The following SRRM4 variants were observed in gnomAD, a reference collection of about 807,000 sequenced individuals.
The protein encoded by SRRM4 is serine/arginine repetitive matrix 4.
SRRM4 carries 33 observed loss-of-function variants against 68.9 expected under a neutral mutation model. The ratio of observed to expected loss-of-function variants is 0.48; its 90% CI spans 0.36 to 0.64. SRRM4 has a LOEUF of 0.64. Ranked by LOEUF, SRRM4 falls within the 30% of genes least tolerant of loss-of-function variation. The pLI, the probability that SRRM4 is intolerant of heterozygous loss-of-function variation, is 0.00. For missense variants in SRRM4, 817 were observed against 827.1 expected, an observed-to-expected ratio of 0.99 and a Z score of 0.15; for synonymous variants, 318 against 318.8, an observed-to-expected ratio of 1.00 and a Z score of 0.03.
intron 4 of SRRM4, 150 bp from the exon 5 acceptor site, chr12:119,120,100 C>T (rs1954209527): frequency 1.0e-5 from 6 of 574,426 alleles, no homozygotes; most frequent in Admixed American, 9.1e-5. Context: ...TACGTTTTCC[C>T]CTCCCTCCCT....
chr12:119,059,095 G>A (rs1466951884), intron 1 of SRRM4, among the ~76,000 whole-genome samples: 1 of 152,170 alleles, frequency 6.6e-6, no homozygotes, highest in East Asian at 1.9e-4. Context: ...GCAATTCAGG[G>A]CCTCCGGAGC....
chr12:119,094,753 G>C (rs77531719), intron 1 of SRRM4, among the ~76,000 whole-genome samples: 32,186 of 152,226 alleles, frequency 0.21, 4,112 homozygotes, highest in South Asian at 0.28. Context: ...CTCTCTATCA[G>C]AGAACTTCTT....
In SRRM4 at chr12:119,093,370, C is replaced by T. The variant is rs374691137; in HGVS notation, c.132-8866C>T. 2.0e-3 allele frequency among the ~76,000 whole-genome samples: 312 copies of T among 152,284 alleles called. 2 individuals are homozygous for T. Among genetic ancestry groups the T allele is most frequent in the African/African-American group, 7.3e-3 (303 of 41,556 alleles). On this transcript the variant is annotated intron_variant, in intron 1 of 12. Coordinates refer to ENST00000267260, the MANE Select transcript of SRRM4 (RefSeq NM_194286.4). ...CCTCTTGGGAGCAGTTTACACTCTC[C>T]TAGATCTTGTACCAAGGATCCTCCT...
At chr12:119,071,741 T>C (rs1189045875) in intron 1 of SRRM4, among the ~76,000 whole-genome samples, 1 of 152,210 alleles carries the variant, frequency 6.6e-6, no homozygotes, top group African/African-American at 2.4e-5. Flanking sequence ...TGGCTTCTTT[T>C]GCACAGCATG....
rs1220899032 is a variant in SRRM4 at position 119,160,685 on chromosome 12, A to T, written c.*3887A>T. On this transcript the variant is annotated 3_prime_UTR_variant, in exon 13 of 13. Transcript: ENST00000267260. ...AGTTCGACCTCTGTTAAGTGGAGGG[A>T]TTTGTGAGATAAAAATTCAAAATGT... 1 of 152,176 alleles carries T rather than the reference A, an allele frequency of 6.6e-6. No individual in the cohort carries two copies. The highest frequency in any genetic ancestry group is 1.9e-4 in the East Asian group (1 of 5,192). 9.4% of individuals were successfully genotyped at this position (152,176 alleles called of 1,614,324 possible). A position where few individuals can be genotyped will look rare whatever the true frequency, so the allele number is the denominator to read the frequency against.
chr12:119,102,719 T>C (rs1309246463), intron 2 of SRRM4, among the ~76,000 whole-genome samples: 2 of 152,198 alleles, frequency 1.3e-5, no homozygotes, highest in African/African-American at 4.8e-5. Flanking sequence ...CTACCTTAAA[T>C]GATAGCGTTC....
At chr12:119,102,180 C>A in intron 1 of SRRM4, 56 bp from the exon 2 acceptor site, 1 of 1,490,392 alleles carries the variant, frequency 6.7e-7, no homozygotes, top group South Asian at 1.3e-5. Flanking sequence ...ATTTAATGAA[C>A]ATTAAGTGTC....
intron 3 of SRRM4, among the ~76,000 whole-genome samples, chr12:119,116,034 C>T (rs1666282328): frequency 6.6e-6 from 1 of 151,678 alleles, no homozygotes; most frequent in Admixed American, 6.6e-5. Flanking sequence ...GACTCCCCTC[C>T]AGCCAGAACC....
chr12:119,074,672 T>A (rs544433779), intron 1 of SRRM4, among the ~76,000 whole-genome samples: 2 of 152,196 alleles, frequency 1.3e-5, no homozygotes, highest in Non-Finnish European at 2.9e-5. Context: ...GATTCTGTTT[T>A]GTTAATCTGA....
At chr12:119,107,151 G>A in intron 2 of SRRM4, among the ~76,000 whole-genome samples, 1 of 152,192 alleles carries the variant, frequency 6.6e-6, no homozygotes, top group Non-Finnish European at 1.5e-5. Flanking sequence ...TGCATCCCAG[G>A]GATGAAGCCA....
chr12:119,002,303 G>A (rs79565831), intron 1 of SRRM4, among the ~76,000 whole-genome samples: 3,125 of 152,088 alleles, frequency 0.021, 123 homozygotes, highest in African/African-American at 0.071. Context: ...TCCCTTGCAA[G>A]CTGGTATCCC....
At chr12:118,996,168 T>A (rs75543912) in intron 1 of SRRM4, among the ~76,000 whole-genome samples, 4,781 of 152,272 alleles carry the variant, frequency 0.031, 279 homozygotes, top group African/African-American at 0.11. Flanking sequence ...CAAATTATTT[T>A]TTTCAAGACC....
Position 119,020,209 on chromosome 12 carries a change from C to T in SRRM4, c.131+38196C>T, listed in dbSNP as rs540397136. 4.5e-4 allele frequency among the ~76,000 whole-genome samples: 69 copies of T among 152,180 alleles called. 2 individuals carry two copies. The South Asian group carries it at 0.014, about 31-fold the overall frequency. On this transcript the variant is annotated intron_variant, in intron 1 of 12. Coordinates refer to ENST00000267260, the MANE Select transcript of SRRM4 (RefSeq NM_194286.4). ...CCCCTCTCTGACTTAGTTCACATCC[C>T]CTTTATCATACTGATGGGACCCTGA...
intron 1 of SRRM4, among the ~76,000 whole-genome samples, chr12:119,075,474 T>A (rs1245313313): frequency 2.1e-5 from 2 of 95,160 alleles, no homozygotes; most frequent in African/African-American, 7.1e-5. Flanking sequence ...ATGATGATGG[T>A]GCTGATGGTG....
chr12:119,022,095 G>A (rs973952051), intron 1 of SRRM4, among the ~76,000 whole-genome samples: 1 of 151,982 alleles, frequency 6.6e-6, no homozygotes, highest in African/African-American at 2.4e-5. Flanking sequence ...TAGGTGATGG[G>A]TTGATAGGTG....
chr12:119,087,708 G>T (rs540354918), intron 1 of SRRM4, among the ~76,000 whole-genome samples: 20 of 152,286 alleles, frequency 1.3e-4, no homozygotes, highest in Middle Eastern at 6.8e-3. Context: ...ATAGCAGTCA[G>T]CATGGGGGAT....
At chr12:119,010,836 T>C (rs1476693813) in intron 1 of SRRM4, among the ~76,000 whole-genome samples, 1 of 152,172 alleles carries the variant, frequency 6.6e-6, no homozygotes, top group African/African-American at 2.4e-5. Context: ...AATTATGGAA[T>C]ACAATACAAC....
intron 1 of SRRM4, among the ~76,000 whole-genome samples, chr12:119,036,442 T>C (rs1953627881): frequency 6.6e-6 from 1 of 152,198 alleles, no homozygotes; most frequent in South Asian, 2.1e-4. Flanking sequence ...CCACACTCAC[T>C]CTGACAACCC....
chr12:119,044,049 A>G (rs554333614), intron 1 of SRRM4, among the ~76,000 whole-genome samples: 1 of 151,360 alleles, frequency 6.6e-6, no homozygotes, highest in East Asian at 1.9e-4. Context: ...TATTTTTTAG[A>G]AGCGATGGGG....
Sources: allele counts gnomAD v4.1 joint callset (sites outside exome capture counted in the v4.1 genomes callset), GRCh38; gene constraint gnomAD v4.1.1; transcripts MANE v1.5; gene names NCBI Gene and HGNC (gene_info 2026-07-23, HGNC 2026-07-21).